Variants in OXNAD1 observed in about 807,000 individuals in gnomAD.
OXNAD1 encodes the protein oxidoreductase NAD-binding domain-containing protein 1.
In OXNAD1, 34 loss-of-function variants were observed where a neutral mutation model predicts 32.9. The ratio of observed to expected loss-of-function variants is 1.03; its 90% CI spans 0.79 to 1.38. The LOEUF (loss-of-function observed/expected upper bound fraction) is 1.38. Among genes scored for constraint, OXNAD1 ranks in the 40% most tolerant of loss-of-function variants. The probability of loss-of-function intolerance (pLI) is 0.00; values close to 1 mark genes in which losing one functional copy is unlikely to be tolerated. For synonymous variants in OXNAD1, 134 were observed against 135.2 expected (o/e 0.99, Z 0.06); for missense variants, 407 against 379.4 (o/e 1.07, Z -0.60).
rs980886831 is a variant in OXNAD1, at chr3:16,334,896, C to T, written c.*31-2216C>T. 6.6e-6 allele frequency among the ~76,000 whole-genome samples: 1 copy of T among 152,134 alleles called. No homozygotes were observed. The highest frequency in any genetic ancestry group is 6.5e-5 in the Admixed American group (1 of 15,274). On this transcript the variant is annotated intron_variant, in intron 9 of 9. Coordinates refer to the OXNAD1 transcript ENST00000435829. This position sits in a 1 kb window ranked among gnomAD's most constrained non-coding sequence, Gnocchi z 4.3. ...TCCTTATAAGGACAGGCAGGAAGGC[C>T]AGAGTCAGAGGAAGAGATGTGATGG... is the stretch of plus-strand genomic sequence containing the variant.
chr3:16,298,915 C>T lies in OXNAD1; in HGVS notation c.433-2711C>T, dbSNP rs2066987729. Among the ~76,000 whole-genome samples the T allele has an allele frequency of 6.6e-6, 1 of 152,148 alleles. No homozygotes were observed. Among genetic ancestry groups the T allele is most frequent in the Non-Finnish European group, 1.5e-5 (1 of 68,032 alleles). On this transcript the variant is annotated intron_variant, in intron 6 of 8. Transcript: ENST00000285083. This position sits in a 1 kb window ranked among gnomAD's most constrained non-coding sequence, Gnocchi z 5.1. ...CTTTGAGTCTTGTGTTCGTGTTACCCTCGCAGTTTTTATTGATCAACAAAA... is the reference window on the plus strand; with the variant it reads ...CTTTGAGTCTTGTGTTCGTGTTACCTTCGCAGTTTTTATTGATCAACAAAA...
intron 4 of OXNAD1, among the ~76,000 whole-genome samples, chr3:16,285,485 G>A (rs2066013033): frequency 6.6e-6 from 1 of 152,170 alleles, no homozygotes; most frequent in African/African-American, 2.4e-5. Context: ...TTCTTTGCTT[G>A]TGAAGATGTC....
chr3:16,300,803 C>G (rs1406404724), intron 6 of OXNAD1, among the ~76,000 whole-genome samples: 1 of 152,194 alleles, frequency 6.6e-6, no homozygotes, highest in Non-Finnish European at 1.5e-5. Context: ...CTCTGGGAAA[C>G]CACGAATTTT....
chr3:16,307,138 A>G (rs2067617154), downstream of OXNAD1, among the ~76,000 whole-genome samples: 1 of 152,260 alleles, frequency 6.6e-6, no homozygotes, highest in African/African-American at 2.4e-5. Flanking sequence ...ATCAGTTAGC[A>G]TACTATGAGT....
rs568364046 is a variant in OXNAD1 at position 16,269,875 on chromosome 3, A to G, written c.-9+600A>G. On this transcript the variant is annotated intron_variant, in intron 2 of 8. Coordinates refer to ENST00000285083, the MANE Select transcript of OXNAD1 (RefSeq NM_138381.5). ...ATTCTCAAGGTAACTAAGATGGACA[A>G]ATAGAGCAATGTAACATGTTAAATG... Among the ~76,000 whole-genome samples, 44 of 152,384 alleles carry G rather than the reference A, an allele frequency of 2.9e-4. No individual in the cohort carries two copies. The Middle Eastern group carries it at 0.01, about 35-fold the overall frequency.
rs842259 is a variant in OXNAD1 at position 16,271,057 on chromosome 3, C to T, written c.105C>T (p.His35=). 688,569 of 1,613,504 alleles carry T rather than the reference C, an allele frequency of 0.43. 148,785 individuals are homozygous for T. Among genetic ancestry groups the T allele is most frequent in the South Asian group, 0.52 (47,699 of 91,036 alleles). ...GATTGACACTCAGCACTTTGCGCCA[C>T]CTTACTCTAACCAGGTGAGTCATTA... ...SLRLTLSTLR[H]LTLTSIMKSK... The change falls in exon 3 of 9, where the codon CAC becomes CAT. Residue 35 remains histidine, a synonymous_variant. Coordinates refer to ENST00000285083, the MANE Select transcript of OXNAD1 (RefSeq NM_138381.5). This position sits in a 1 kb window ranked among gnomAD's most constrained non-coding sequence, Gnocchi z 4.6.
rs915050433 is a variant in OXNAD1, at chr3:16,335,905, A to T, written c.*31-1207A>T. The stretch of plus-strand genomic sequence containing the variant: ...GAGGCCACAGGCAGGACTCCGCAGG[A>T]GGGAAGTGGCCGACAGCAAGGACTG... On this transcript the variant is annotated intron_variant, in intron 9 of 9. Coordinates refer to the OXNAD1 transcript ENST00000435829. The surrounding 1 kb of genome is among the most constrained non-coding windows in gnomAD (Gnocchi z 4.7). Among the ~76,000 whole-genome samples, 1 of 152,138 alleles carries T rather than the reference A, an allele frequency of 6.6e-6. No homozygotes were observed. The highest frequency in any genetic ancestry group is 1.5e-5 in the Non-Finnish European group (1 of 68,034).
Position 16,277,143 on chromosome 3 carries a change from T to C in OXNAD1, c.183+5421T>C, listed in dbSNP as rs1017701011. Among the ~76,000 whole-genome samples, 13 of 151,900 alleles carry C rather than the reference T, an allele frequency of 8.6e-5. No homozygotes were observed. The highest frequency in any genetic ancestry group is 5.2e-4 in the Admixed American group (8 of 15,260). Reference sequence around the variant, plus strand: ...GGGGTTTCACTGTGTTGGCCAGGCTTGTCTTGAACTCCTGACCTCATGATC... The same window carrying C: ...GGGGTTTCACTGTGTTGGCCAGGCTCGTCTTGAACTCCTGACCTCATGATC... On this transcript the variant is annotated intron_variant, in intron 4 of 8. Transcript: ENST00000285083. This position sits in a 1 kb window ranked among gnomAD's most constrained non-coding sequence, Gnocchi z 4.3.
rs1311113547 is a variant in OXNAD1 at position 16,301,829 on chromosome 3, A to G, written c.636A>G (p.Leu212=). 6.2e-7 allele frequency: 1 copy of G among 1,614,090 alleles called. No homozygotes were observed. The highest frequency in any genetic ancestry group is 1.1e-5 in the South Asian group (1 of 91,092). Residue 212 remains leucine (L), a synonymous_variant, in exon 7 of 9, where the codon CTA becomes CTG. Transcript: ENST00000285083. The surrounding 1 kb of genome is among the most constrained non-coding windows in gnomAD (Gnocchi z 4.1). The part of the protein sequence containing the change: ...RNGYEIGTIK[L]FYSAKNTSEL... ...GATATGAGATAGGAACAATAAAACT[A>G]TTCTACAGTGCAAAAAATACCAGCG... is the stretch of plus-strand genomic sequence containing the variant.
chr3:16,333,947 C>CG (rs1463083647), intron 9 of OXNAD1, among the ~76,000 whole-genome samples: 2 of 152,142 alleles, frequency 1.3e-5, no homozygotes, highest in African/African-American at 4.8e-5. Flanking sequence ...GGGTAGAGCA[C>CG]GAGGTCAGGA....
At chr3:16,272,693 A>G (rs1363214014) in intron 4 of OXNAD1, among the ~76,000 whole-genome samples, 8 of 144,110 alleles carry the variant, frequency 5.6e-5, no homozygotes, top group South Asian at 2.2e-4. Context: ...TTAGTTTAGC[A>G]TAGTAGATTT....
chr3:16,311,616 C>T (rs532106735), intron 9 of OXNAD1, among the ~76,000 whole-genome samples: 8 of 152,222 alleles, frequency 5.3e-5, no homozygotes, highest in Admixed American at 5.2e-4. Context: ...CAATACCTCC[C>T]TCATTCCCCA....
chr3:16,345,817 T>TGTGTGTGC lies in OXNAD1; in HGVS notation c.*31-3358_*31-3357insTGTGTGCG, dbSNP rs1160939614. ...GTGTGTGTGTGTGTGTGTGTGTGTG[T>TGTGTGTGC]GCGCGCGCGCGTGCGCGCACGCGCA... On this transcript the variant is annotated intron_variant, in intron 9 of 9. Coordinates refer to the OXNAD1 transcript ENST00000606098. This position sits in a 1 kb window ranked among gnomAD's most constrained non-coding sequence, Gnocchi z 5.2. Among the ~76,000 whole-genome samples the TGTGTGTGC allele has an allele frequency of 1.5e-3, 115 of 74,604 alleles. 2 individuals are homozygous for TGTGTGTGC. In the East Asian group the frequency reaches 0.024, roughly 16 times the overall value. The allele number at this position is 74,604 out of a possible 152,430, so 48.9% of individuals were successfully genotyped here. A position where few individuals can be genotyped will look rare whatever the true frequency, so the allele number is the denominator to read the frequency against.
rs969011588 is a variant in OXNAD1 at position 16,329,505 on chromosome 3, C to T, written c.*31-7607C>T. On this transcript the variant is annotated intron_variant, in intron 9 of 9. Transcript: ENST00000435829. The surrounding 1 kb of genome is among the most constrained non-coding windows in gnomAD (Gnocchi z 4.5). ...AGCCTCTATCAGGCCAGAGATGGCCCAGCAGTTGTGACCATCCTTTCTGCC... is the reference window on the plus strand; with the variant it reads ...AGCCTCTATCAGGCCAGAGATGGCCTAGCAGTTGTGACCATCCTTTCTGCC... 2.6e-5 allele frequency among the ~76,000 whole-genome samples: 4 copies of T among 152,212 alleles called. No homozygotes were observed. The East Asian group carries it at 7.7e-4, about 29-fold the overall frequency.
downstream of OXNAD1, among the ~76,000 whole-genome samples, chr3:16,341,403 A>G (rs912313599): frequency 2.0e-5 from 3 of 152,250 alleles, no homozygotes; most frequent in African/African-American, 7.2e-5. This position sits in a 1 kb window ranked among gnomAD's most constrained non-coding sequence, Gnocchi z 4.7. Context: ...GGAAGCAACC[A>G]AGATGCCCTT....
At position 16,302,819 on chromosome 3, in the gene OXNAD1, A is replaced by AT; in HGVS notation, c.784+71_784+72insT. On this transcript the variant is annotated intron_variant, in intron 8 of 8. Transcript: ENST00000285083. This position sits in a 1 kb window ranked among gnomAD's most constrained non-coding sequence, Gnocchi z 4.2. ...ATGGACACACCAGTTGGTTGAGCGT[A>AT]GATGCTTTATTGTTGGAAGCTGCTG... The AT allele has an allele frequency of 8.6e-7, 1 of 1,162,044 alleles. No individual in the cohort carries two copies. The highest frequency in any genetic ancestry group is 1.3e-5 in the South Asian group (1 of 74,494). 72.0% of individuals were successfully genotyped at this position (1,162,044 alleles called of 1,614,324 possible).
intron 9 of OXNAD1, among the ~76,000 whole-genome samples, chr3:16,311,411 T>G (rs956584526): frequency 9.9e-5 from 15 of 152,192 alleles, no homozygotes; most frequent in African/African-American, 3.6e-4. Context: ...AGGCTGGTCT[T>G]GAACTCTTGA....
Position 16,303,027 on chromosome 3 carries a change from T to C in OXNAD1, c.784+279T>C, listed in dbSNP as rs2067300549. Among the ~76,000 whole-genome samples the C allele has an allele frequency of 6.6e-6, 1 of 152,248 alleles. No homozygotes were observed. The highest frequency in any genetic ancestry group is 6.5e-5 in the Admixed American group (1 of 15,284). On this transcript the variant is annotated intron_variant, in intron 8 of 8. Transcript: ENST00000285083. The surrounding 1 kb of genome is among the most constrained non-coding windows in gnomAD (Gnocchi z 4.8). ...ATACAAATAATTTATATTCCAGATTTGGCTGAATTGATTCCATTTGCCATT... is the reference window on the plus strand; with the variant it reads ...ATACAAATAATTTATATTCCAGATTCGGCTGAATTGATTCCATTTGCCATT...
Position 16,320,215 on chromosome 3 carries a change from C to G in OXNAD1, c.*30+16623C>G, listed in dbSNP as rs1387650801. 6.6e-6 allele frequency among the ~76,000 whole-genome samples: 1 copy of G among 152,214 alleles called. No homozygotes were observed. Among genetic ancestry groups the G allele is most frequent in the Non-Finnish European group, 1.5e-5 (1 of 68,038 alleles). ...AGTCTTCCCGAGTTGTAGAAATCAC[C>G]TACTCCCTTTGAAGAAGTTTAATAT... On this transcript the variant is annotated intron_variant, in intron 9 of 9. Coordinates refer to the OXNAD1 transcript ENST00000435829. This position sits in a 1 kb window ranked among gnomAD's most constrained non-coding sequence, Gnocchi z 4.5.
Sources: allele counts gnomAD v4.1 joint callset (sites outside exome capture counted in the v4.1 genomes callset), GRCh38; gene constraint gnomAD v4.1.1; non-coding constraint Gnocchi (gnomAD v3.1); transcripts MANE v1.5; gene names NCBI Gene and HGNC (gene_info 2026-07-23, HGNC 2026-07-21).